The following KIF13B variants were observed in gnomAD, a reference collection of about 807,000 sequenced individuals.
The protein encoded by KIF13B is kinesin-like protein KIF13B.
In KIF13B, 127 loss-of-function variants were observed where a neutral mutation model predicts 222.0. The observed-to-expected ratio is 0.57, with a 90% CI of 0.50 to 0.66. KIF13B has a LOEUF of 0.66. Among genes scored for constraint, KIF13B ranks in the 30% least tolerant of loss-of-function variants. The pLI is 0.00. For missense variants in KIF13B, 2,173 were observed against 2,379.0 expected, an observed-to-expected ratio of 0.91 and a Z score of 1.80; for synonymous variants, 976 against 919.0, an observed-to-expected ratio of 1.06 and a Z score of -1.12.
intron 36 of KIF13B, among the ~76,000 whole-genome samples, chr8:29,095,718 C>T (rs1453819243): frequency 6.6e-6 from 1 of 152,082 alleles, no homozygotes; most frequent in Admixed American, 6.6e-5. Flanking sequence ...GGTGAGCCAA[C>T]ATCAGGCCAC....
chr8:29,170,058 T>C (rs915433444), intron 10 of KIF13B, among the ~76,000 whole-genome samples: 1 of 152,200 alleles, frequency 6.6e-6, no homozygotes, highest in Admixed American at 6.5e-5. Context: ...ACCCTTATGT[T>C]AAAAATGACC....
intron 10 of KIF13B, among the ~76,000 whole-genome samples, chr8:29,175,766 C>T (rs1326449844): frequency 6.6e-6 from 1 of 152,234 alleles, no homozygotes; most frequent in Non-Finnish European, 1.5e-5. Flanking sequence ...ATGACTCACA[C>T]AGTGGTCAGA....
At chr8:29,127,692 C>T (rs1810175292) in intron 24 of KIF13B, among the ~76,000 whole-genome samples, 1 of 152,174 alleles carries the variant, frequency 6.6e-6, no homozygotes, top group South Asian at 2.1e-4. Context: ...ATTTCATACA[C>T]TGTAAGTGGG....
chr8:29,163,748 C>T (rs1257427839), intron 12 of KIF13B, among the ~76,000 whole-genome samples: 1 of 152,190 alleles, frequency 6.6e-6, no homozygotes, highest in African/African-American at 2.4e-5. Context: ...GCAGTGCCCC[C>T]AGAAGGGACC....
intron 1 of KIF13B, among the ~76,000 whole-genome samples, chr8:29,254,836 C>T (rs1816416909): frequency 6.6e-6 from 1 of 152,186 alleles, no homozygotes; most frequent in East Asian, 1.9e-4. Flanking sequence ...AAAGCCTGTA[C>T]ATAAATGTTC....
intron 2 of KIF13B, among the ~76,000 whole-genome samples, chr8:29,209,560 T>C (rs959316809): frequency 2.0e-5 from 3 of 152,128 alleles, no homozygotes; most frequent in African/African-American, 2.4e-5. Context: ...TCCTGTAATT[T>C]TGTGTGACGA....
intron 15 of KIF13B, among the ~76,000 whole-genome samples, chr8:29,149,531 C>G (rs1029273872): frequency 6.6e-5 from 10 of 152,204 alleles, no homozygotes; most frequent in Non-Finnish European, 1.2e-4. Flanking sequence ...AGGTGAGACA[C>G]AGTCTTTCTC....
intron 9 of KIF13B, among the ~76,000 whole-genome samples, chr8:29,176,981 AC>A (rs66843987): frequency 0.011 from 1,751 of 152,338 alleles, 29 homozygotes; most frequent in African/African-American, 0.04. Context: ...AAAGAGCAAC[AC>A]ACAGGTCAAG....
intron 1 of KIF13B, among the ~76,000 whole-genome samples, chr8:29,246,157 A>C (rs1586981556): frequency 6.6e-6 from 1 of 152,112 alleles, no homozygotes; most frequent in African/African-American, 2.4e-5. Flanking sequence ...AGGCGGGTGG[A>C]TTACTTGAGG....
chr8:29,161,903 A>G (rs1563751901), intron 12 of KIF13B, among the ~76,000 whole-genome samples: 1 of 152,122 alleles, frequency 6.6e-6, no homozygotes, highest in Non-Finnish European at 1.5e-5. Flanking sequence ...TGTTCCCAGC[A>G]CTTAGCACAG....
At position 29,099,068 on chromosome 8, in the gene KIF13B, A is replaced by C. The variant is rs1232420822; in HGVS notation, c.4324+65T>G. ...CAGTGGCTGCCTGGCAGGAAATTCT[A>C]ATTTAAACTTTCTGAAAGATGCTCA... On this transcript the variant is annotated intron_variant, in intron 36 of 39. Coordinates refer to ENST00000524189, the MANE Select transcript of KIF13B (RefSeq NM_015254.4). The C allele has an allele frequency of 1.4e-5, 18 of 1,277,592 alleles. No individual in the cohort carries two copies. The East Asian group carries it at 3.9e-4, about 28-fold the overall frequency. 79.1% of individuals were successfully genotyped at this position (1,277,592 alleles called of 1,614,324 possible).
chr8:29,258,077 G>A (rs567832595), intron 1 of KIF13B, among the ~76,000 whole-genome samples: 2 of 152,178 alleles, frequency 1.3e-5, no homozygotes, highest in African/African-American at 2.4e-5. Flanking sequence ...TTCCATCCAC[G>A]GTCCTCCTTG....
intron 2 of KIF13B, among the ~76,000 whole-genome samples, chr8:29,197,329 T>TC (rs1188962462): frequency 8.9e-5 from 6 of 67,292 alleles, no homozygotes; most frequent in African/African-American, 1.2e-4. Flanking sequence ...AGAGCGAGAC[T>TC]CCGTCTCAAA....
chr8:29,120,287 T>A lies in KIF13B; in HGVS notation c.3536-1295A>T, dbSNP rs1396785312. On this transcript the variant is annotated intron_variant, in intron 29 of 39. Coordinates refer to ENST00000524189, the MANE Select transcript of KIF13B (RefSeq NM_015254.4). ...CTGGTGCGCTGCACCCACTAACGTGTCATCTAGCATTAGGTATATCTCCCA... is the reference window on the plus strand; with the variant it reads ...CTGGTGCGCTGCACCCACTAACGTGACATCTAGCATTAGGTATATCTCCCA... 2.6e-3 allele frequency among the ~76,000 whole-genome samples: 301 copies of A among 116,400 alleles called. 2 individuals carry two copies. The highest frequency in any genetic ancestry group is 7.8e-3 in the Middle Eastern group (2 of 258). The allele number at this position is 116,400 out of a possible 152,430, so 76.4% of individuals were successfully genotyped here.
intron 31 of KIF13B, among the ~76,000 whole-genome samples, chr8:29,116,206 T>A (rs561646032): frequency 6.6e-6 from 1 of 152,330 alleles, no homozygotes; most frequent in African/African-American, 2.4e-5. Flanking sequence ...TCATTTCTTA[T>A]TCACCTTTTT....
chr8:29,108,890 C>G (rs141829294), intron 34 of KIF13B, among the ~76,000 whole-genome samples: 156 of 152,276 alleles, frequency 1.0e-3, no homozygotes, highest in African/African-American at 3.7e-3. Flanking sequence ...AGTAATCAAG[C>G]GGCCAAGAGC....
chr8:29,177,683 C>A, intron 8 of KIF13B, 105 bp from the exon 9 acceptor site: 1 of 777,360 alleles, frequency 1.3e-6, no homozygotes, highest in Admixed American at 1.8e-5. Flanking sequence ...AGGAGGATCA[C>A]CTGAGCCCAG....
At chr8:29,192,409 T>C (rs1262260726) in intron 3 of KIF13B, among the ~76,000 whole-genome samples, 1 of 152,146 alleles carries the variant, frequency 6.6e-6, no homozygotes, top group East Asian at 1.9e-4. Context: ...ATATATGTTG[T>C]TGTTGTGTTT....
chr8:29,251,590 G>C (rs1816283662), intron 1 of KIF13B, among the ~76,000 whole-genome samples: 1 of 152,088 alleles, frequency 6.6e-6, no homozygotes, highest in South Asian at 2.1e-4. Flanking sequence ...ATGTAGAATG[G>C]GGGTTATGAG....
Sources: gnomAD v4.1 joint callset for allele counts (sites outside exome capture counted in the v4.1 genomes callset) on GRCh38, gnomAD v4.1.1 for gene constraint, MANE v1.5 for transcripts, NCBI Gene and HGNC (gene_info 2026-07-23, HGNC 2026-07-21) for gene names.